The following SBF2 variants were observed in gnomAD, a reference collection of about 807,000 sequenced individuals.
The protein encoded by SBF2 is myotubularin-related protein 13.
A neutral mutation model predicts 225.2 loss-of-function variants in SBF2; 112 were observed. The observed-to-expected ratio is 0.50, with a 90% CI of 0.43 to 0.58. The LOEUF (loss-of-function observed/expected upper bound fraction) is 0.58, where lower values mean the gene tolerates loss of function less well. SBF2 is among the 20% of genes least tolerant of loss of function. The probability of loss-of-function intolerance (pLI) is 0.00; values close to 1 mark genes in which losing one functional copy is unlikely to be tolerated. For synonymous variants in SBF2, 763 were observed against 773.3 expected (o/e 0.99, Z 0.22); for missense variants, 1,996 against 2,206.2 (o/e 0.90, Z 1.91).
chr11:10,031,144 A>C lies in SBF2; in HGVS notation c.306T>G (p.Gly102=), dbSNP rs1487261610. The C allele has an allele frequency of 1.9e-6, 3 of 1,613,578 alleles. No individual in the cohort carries two copies. Among genetic ancestry groups the C allele is most frequent in the Non-Finnish European group, 2.5e-6 (3 of 1,179,686 alleles). The change falls in exon 4 of 40, where the codon GGT becomes GGG. Residue 102 remains glycine, a synonymous_variant. Coordinates refer to ENST00000256190, the MANE Select transcript of SBF2 (RefSeq NM_030962.4). ...GAATTAAACCAGACACTTTTGCTTC[A>C]CCTTCAATCTCTTCCTTCTTTGTTC... ...LQGTKKEEIE[G]EAKVSGLIQP... is the part of the protein sequence containing the mutation.
chr11:10,040,502 C>T (rs758683448), intron 3 of SBF2, among the ~76,000 whole-genome samples: 17 of 150,796 alleles, frequency 1.1e-4, no homozygotes, highest in South Asian at 4.2e-4. Context: ...TGAAAAGAGA[C>T]GAAAGAGAAA....
In SBF2 at chr11:10,144,227, C is replaced by T. The variant is rs1221633219; in HGVS notation, c.141+49675G>A. 5.9e-5 allele frequency among the ~76,000 whole-genome samples: 9 copies of T among 152,212 alleles called. No homozygotes were observed. The East Asian group carries it at 1.5e-3, about 26-fold the overall frequency. On this transcript the variant is annotated intron_variant, in intron 2 of 39. Transcript: ENST00000256190. ...AATAGGTCAGGTGTGATGGCTCATG[C>T]CTATAATCCCAGCACTTTGGGAGGC...
chr11:10,001,174 AT>A, intron 7 of SBF2, 152 bp from the exon 8 acceptor site: 1 of 597,892 alleles, frequency 1.7e-6, no homozygotes, highest in Non-Finnish European at 3.0e-6. Context: ...TTTGGAAAAA[AT>A]GATTTAAAAA....
chr11:10,028,445 G>A lies in SBF2; in HGVS notation c.619+7C>T. 1.3e-6 allele frequency: 2 copies of A among 1,562,006 alleles called. No homozygotes were observed. The highest frequency in any genetic ancestry group is 2.2e-5 in the East Asian group (1 of 44,626). On this transcript the variant is annotated splice_region_variant and intron_variant, in intron 6 of 39. Transcript: ENST00000256190. The stretch of plus-strand genomic sequence containing the variant: ...AGATGACATTGAAAATGGGAGAAAA[G>A]ACATACCCAATTGCTGGAACAGGAG...
At chr11:9,855,716 T>C (rs1232995220) in intron 19 of SBF2, among the ~76,000 whole-genome samples, 4 of 151,910 alleles carry the variant, frequency 2.6e-5, no homozygotes, top group South Asian at 2.1e-4. Context: ...TGAAAGACAA[T>C]GCAAAGTAGG....
At chr11:10,187,425 G>A (rs1174729040) in intron 2 of SBF2, among the ~76,000 whole-genome samples, 1 of 152,042 alleles carries the variant, frequency 6.6e-6, no homozygotes, top group South Asian at 2.1e-4. Context: ...CCAGGAAGGT[G>A]CCAACCCAAC....
intron 2 of SBF2, among the ~76,000 whole-genome samples, chr11:10,167,334 T>G (rs1477102568): frequency 2.6e-5 from 4 of 152,326 alleles, no homozygotes; most frequent in Non-Finnish European, 5.9e-5. Flanking sequence ...CCAGGCGTGG[T>G]GGCTCACGTC....
In SBF2 at chr11:9,969,581, G is replaced by A. The variant is rs536156149; in HGVS notation, c.1396-1036C>T. Among the ~76,000 whole-genome samples, 4 of 152,204 alleles carry A rather than the reference G, an allele frequency of 2.6e-5. No individual in the cohort carries two copies. In the East Asian group the frequency reaches 7.7e-4, roughly 29 times the overall value. On this transcript the variant is annotated intron_variant, in intron 13 of 39. Transcript: ENST00000256190. ...TGACTCAAAGCCTTTGCACTTAACT[G>A]TTCTCTCTGCCTGGAATGCCTGTGC...
At chr11:10,116,252 G>T (rs1211226248) in intron 2 of SBF2, among the ~76,000 whole-genome samples, 6 of 152,202 alleles carry the variant, frequency 3.9e-5, no homozygotes, top group African/African-American at 1.4e-4. Context: ...CATTGTGACT[G>T]AATTTTAATT....
chr11:9,845,659 G>A lies in SBF2; in HGVS notation c.3016C>T (p.Pro1006Ser), dbSNP rs886048781. 4 of 1,613,882 alleles carry A rather than the reference G, an allele frequency of 2.5e-6. No individual in the cohort carries two copies. Among genetic ancestry groups the A allele is most frequent in the Non-Finnish European group, 2.5e-6 (3 of 1,179,750 alleles). Residue 1006 changes from proline to serine, a missense_variant, in exon 24 of 40, where the codon CCT (proline) becomes TCT (serine). Pro to Ser is a moderately conservative substitution (Grantham distance 74). Coordinates refer to ENST00000256190, the MANE Select transcript of SBF2 (RefSeq NM_030962.4). ...FKKQLMKFRYPQSIFSTFAFA... is the reference protein window; with the variant it reads ...FKKQLMKFRYSQSIFSTFAFA... Reference sequence around the variant, plus strand: ...GCAAAGGTACTGAAAATGGACTGAGGATAACGGAACTTCATCAGCTGTTTC... The same window carrying A: ...GCAAAGGTACTGAAAATGGACTGAGAATAACGGAACTTCATCAGCTGTTTC...
At chr11:9,875,219 A>G (rs1444064784) in intron 17 of SBF2, among the ~76,000 whole-genome samples, 1 of 152,244 alleles carries the variant, frequency 6.6e-6, no homozygotes, top group African/African-American at 2.4e-5. Flanking sequence ...ATGAGTAAAC[A>G]GCAGTAATTA....
Position 9,968,523 on chromosome 11 carries a change from G to A in SBF2, c.1418C>T (p.Ala473Val). Residue 473 changes from alanine to valine, a missense_variant, in exon 14 of 40, where the codon GCA becomes GTA. Transcript: ENST00000256190. Reference sequence around the variant, plus strand: ...TGTTGGCCGTGGAACTTTCTGGAATGCCATATGAGGATTTGGATTCTCCTG... The same window carrying A: ...TGTTGGCCGTGGAACTTTCTGGAATACCATATGAGGATTTGGATTCTCCTG... ...FKNENPNPHM[A>V]FQKVPRPTEG... is the part of the protein sequence containing the mutation. 2 of 1,613,896 alleles carry A rather than the reference G, an allele frequency of 1.2e-6. No homozygotes were observed. The highest frequency in any genetic ancestry group is 8.5e-7 in the Non-Finnish European group (1 of 1,179,814).
In SBF2 at chr11:10,063,836, C is replaced by CAA. The variant is rs1467564134; in HGVS notation, c.142-20856_142-20855insTT. Among the ~76,000 whole-genome samples, 9 of 77,012 alleles carry CAA rather than the reference C, an allele frequency of 1.2e-4. No individual in the cohort carries two copies. In the East Asian group the frequency reaches 3.1e-3, roughly 26 times the overall value. 50.5% of individuals were successfully genotyped at this position (77,012 alleles called of 152,430 possible). A position where few individuals can be genotyped will look rare whatever the true frequency, so the allele number is the denominator to read the frequency against. ...TAAAAATTATCTAAAATAAAACACACACACACACACACACACACACACAGA... is the reference window on the plus strand; with the variant it reads ...TAAAAATTATCTAAAATAAAACACACAAACACACACACACACACACACACAGA... On this transcript the variant is annotated intron_variant, in intron 2 of 39. Transcript: ENST00000256190.
At chr11:10,196,864 A>ATTTTTTTTT (rs1464688140) in intron 1 of SBF2, among the ~76,000 whole-genome samples, 3 of 61,954 alleles carry the variant, frequency 4.8e-5, no homozygotes, top group African/African-American at 1.1e-4. Flanking sequence ...ATATATATAT[A>ATTTTTTTTT]TATTTTTTTT....
intron 2 of SBF2, among the ~76,000 whole-genome samples, chr11:10,069,955 C>A (rs927213900): frequency 4.6e-5 from 7 of 152,182 alleles, no homozygotes; most frequent in African/African-American, 1.7e-4. Flanking sequence ...GCATAAATGT[C>A]TTCTTTTGAG....
At chr11:10,170,972 T>C (rs1477524181) in intron 2 of SBF2, among the ~76,000 whole-genome samples, 2 of 152,212 alleles carry the variant, frequency 1.3e-5, no homozygotes, top group African/African-American at 2.4e-5. Flanking sequence ...ATGCTAATGA[T>C]TTTTGTATGC....
chr11:10,218,326 CCCCCCA>C (rs1565366146), intron 1 of SBF2, among the ~76,000 whole-genome samples: 1 of 111,684 alleles, frequency 9.0e-6, no homozygotes, highest in African/African-American at 3.2e-5. Context: ...ACCCACCCCC[CCCCCCA>C]CCCAATGATT....
intron 17 of SBF2, among the ~76,000 whole-genome samples, chr11:9,862,118 T>A (rs1857802367): frequency 6.6e-6 from 1 of 152,226 alleles, no homozygotes; most frequent in Admixed American, 6.5e-5. Context: ...TGCCTGCAGA[T>A]AAAATGATCT....
At position 9,992,446 on chromosome 11, in the gene SBF2, G is replaced by A; in HGVS notation, c.1265C>T (p.Pro422Leu). 6.2e-7 allele frequency: 1 copy of A among 1,613,010 alleles called. No individual in the cohort carries two copies. Among genetic ancestry groups the A allele is most frequent in the South Asian group, 1.1e-5 (1 of 90,980 alleles). Reference protein sequence around the residue: ...AFAGFVSERGPPYRSCDLFDE... With the variant: ...AFAGFVSERGLPYRSCDLFDE... ...AAAGAGATCACAAGATCTATAAGGA[G>A]GACCTCTTTCTGAAACAAAACCTGC... Residue 422 changes from proline to leucine, a missense_variant, in exon 12 of 40, where the codon CCT becomes CTT. Coordinates refer to ENST00000256190, the MANE Select transcript of SBF2 (RefSeq NM_030962.4).
Sources: gnomAD v4.1 joint callset for allele counts (sites outside exome capture counted in the v4.1 genomes callset) on GRCh38, gnomAD v4.1.1 for gene constraint, MANE v1.5 for transcripts, NCBI Gene and HGNC (gene_info 2026-07-23, HGNC 2026-07-21) for gene names.